Variants in MEF2A observed in about 807,000 individuals in gnomAD.
MEF2A encodes the protein myocyte enhancer factor 2A.
MEF2A carries 28 observed loss-of-function variants against 55.8 expected under a neutral mutation model. The ratio of observed to expected loss-of-function variants is 0.50; its 90% CI spans 0.37 to 0.69. The LOEUF is 0.69. Ranked by LOEUF, MEF2A falls within the 30% of genes least tolerant of loss-of-function variation. MEF2A has a pLI of 0.00. For synonymous variants in MEF2A, 239 were observed against 227.1 expected, an observed-to-expected ratio of 1.05 and a Z score of -0.47; for missense variants, 528 against 626.2, an observed-to-expected ratio of 0.84 and a Z score of 1.67.
intron 4 of MEF2A, 128 bp downstream of exon 4, chr15:99,645,892 C>A (rs2153480570): frequency 1.5e-6 from 1 of 648,904 alleles, no homozygotes; most frequent in South Asian, 2.6e-5. Flanking sequence ...TTCTCTAAAT[C>A]ATTTCTTAGA....
intron 2 of MEF2A, among the ~76,000 whole-genome samples, chr15:99,629,571 C>G (rs1030536489): frequency 6.6e-6 from 1 of 152,046 alleles, no homozygotes; most frequent in Non-Finnish European, 1.5e-5. Context: ...AGTCCTCTTT[C>G]CAAATAAGGA....
At chr15:99,687,567 G>T (rs898788045) in intron 7 of MEF2A, among the ~76,000 whole-genome samples, 2 of 152,088 alleles carry the variant, frequency 1.3e-5, no homozygotes, top group African/African-American at 4.8e-5. Context: ...GTGCTTTAAC[G>T]TGTTTTTCTC....
intron 3 of MEF2A, among the ~76,000 whole-genome samples, chr15:99,635,977 C>T (rs574091870): frequency 3.3e-5 from 5 of 152,208 alleles, no homozygotes; most frequent in African/African-American, 7.2e-5. Flanking sequence ...TAGTAGTTGA[C>T]GGAAGTTTTC....
At chr15:99,607,409 A>G (rs1052122538) in intron 2 of MEF2A, among the ~76,000 whole-genome samples, 1 of 152,214 alleles carries the variant, frequency 6.6e-6, no homozygotes, top group African/African-American at 2.4e-5. Flanking sequence ...GACTGAATAA[A>G]TATTGATAAG....
rs998936456 is a variant in MEF2A at position 99,595,472 on chromosome 15, A to G, written c.-224-2958A>G. On this transcript the variant is annotated intron_variant, in intron 1 of 11. Transcript: ENST00000557942. ...GTCTCCCCACTAGAATGTAAGCTCT[A>G]TGAAGTCAGGAATAGGGATAGGGAT... Among the ~76,000 whole-genome samples the G allele has an allele frequency of 4.6e-5, 7 of 152,130 alleles. No homozygotes were observed. The South Asian group carries it at 6.2e-4, about 13-fold the overall frequency.
intron 10 of MEF2A, among the ~76,000 whole-genome samples, 186 bp from the exon 11 acceptor site, chr15:99,710,448 G>T (rs892999608): frequency 6.6e-6 from 1 of 152,188 alleles, no homozygotes; most frequent in Non-Finnish European, 1.5e-5. Flanking sequence ...TCACCATGTT[G>T]TCCAGGCTGG....
At chr15:99,653,558 T>C (rs996122226) in intron 4 of MEF2A, among the ~76,000 whole-genome samples, 33 of 152,338 alleles carry the variant, frequency 2.2e-4, no homozygotes, top group African/African-American at 7.7e-4. Context: ...ATTTCTAACG[T>C]GTTTCACTGA....
intron 4 of MEF2A, among the ~76,000 whole-genome samples, chr15:99,646,254 T>G (rs2045944390): frequency 6.6e-6 from 1 of 152,122 alleles, no homozygotes; most frequent in African/African-American, 2.4e-5. Context: ...GCTGCCTATT[T>G]GATAGCTCTC....
chr15:99,636,413 C>T (rs1427494206), intron 3 of MEF2A, among the ~76,000 whole-genome samples: 1 of 152,126 alleles, frequency 6.6e-6, no homozygotes, highest in East Asian at 1.9e-4. Context: ...GTGGTGCGAT[C>T]ATAGGTCACT....
chr15:99,712,372 C>CT lies in MEF2A; in HGVS notation c.1137-17dup. On this transcript the variant is annotated splice_polypyrimidine_tract_variant and intron_variant, in intron 11 of 11. Transcript: ENST00000557942. The surrounding 1 kb of genome is among the most constrained non-coding windows in gnomAD (Gnocchi z 4.1). ...GGTACTTGCAAGCCATCTGACCTCTCTCTTTTTTTTCCTTCAGTGCTGGAG... is the reference window on the plus strand; with the variant it reads ...GGTACTTGCAAGCCATCTGACCTCTCTTCTTTTTTTTCCTTCAGTGCTGGAG... The CT allele has an allele frequency of 2.6e-6, 4 of 1,510,482 alleles. No homozygotes were observed. The highest frequency in any genetic ancestry group is 3.6e-6 in the Non-Finnish European group (4 of 1,122,438). The allele number at this position is 1,510,482 out of a possible 1,614,324, so 93.6% of individuals were successfully genotyped here.
In MEF2A at chr15:99,710,652, C is replaced by T. The variant is rs1167637574; in HGVS notation, c.1028C>T (p.Ala343Val). 2 of 1,613,338 alleles carry T rather than the reference C, an allele frequency of 1.2e-6. No individual in the cohort carries two copies. Among genetic ancestry groups the T allele is most frequent in the Non-Finnish European group, 1.7e-6 (2 of 1,179,410 alleles). ...AYNTDYSLTS[A>V]DLSALQGFNS... ...TTTGTAGATTATTCACTGACCAGCGCTGACCTGTCAGCCCTTCAAGGCTTC... is the reference window on the plus strand; with the variant it reads ...TTTGTAGATTATTCACTGACCAGCGTTGACCTGTCAGCCCTTCAAGGCTTC... The change falls in exon 11 of 12, where the codon GCT becomes GTT. Residue 343 changes from alanine to valine, a missense_variant. Ala to Val is a moderately conservative substitution (Grantham distance 64). Coordinates refer to ENST00000557942, the MANE Select transcript of MEF2A (RefSeq NM_001319206.4).
intron 4 of MEF2A, among the ~76,000 whole-genome samples, chr15:99,653,756 CCTT>C (rs2047235952): frequency 6.6e-6 from 1 of 152,078 alleles, no homozygotes; most frequent in African/African-American, 2.4e-5. Context: ...CATGCTTAAG[CCTT>C]CTAGAATAAC....
intron 1 of MEF2A, among the ~76,000 whole-genome samples, chr15:99,567,273 T>A (rs902141449): frequency 1.3e-5 from 2 of 152,238 alleles, no homozygotes; most frequent in African/African-American, 4.8e-5. Context: ...GCATATGTAT[T>A]TTTAAACAAA....
intron 2 of MEF2A, among the ~76,000 whole-genome samples, chr15:99,631,144 G>A (rs531666949): frequency 2.0e-5 from 3 of 152,310 alleles, no homozygotes; most frequent in Admixed American, 6.5e-5. Flanking sequence ...AGCAAAAAAT[G>A]CCCAAATATG....
At chr15:99,592,112 A>C (rs894580908) in intron 1 of MEF2A, among the ~76,000 whole-genome samples, 1 of 151,612 alleles carries the variant, frequency 6.6e-6, no homozygotes, top group Non-Finnish European at 1.5e-5. Context: ...AATTTCTTGC[A>C]GACGTGTATG....
At chr15:99,600,223 TG>T (rs1189563766) in intron 2 of MEF2A, among the ~76,000 whole-genome samples, 1 of 152,186 alleles carries the variant, frequency 6.6e-6, no homozygotes, top group Non-Finnish European at 1.5e-5. Context: ...TTTTGAGTCA[TG>T]TTTAGATTTT....
chr15:99,703,928 T>C (rs1440701572), intron 9 of MEF2A, among the ~76,000 whole-genome samples: 1 of 152,246 alleles, frequency 6.6e-6, no homozygotes, highest in Non-Finnish European at 1.5e-5. Flanking sequence ...TTTACTTTTC[T>C]ATCAGAAGGC....
rs1356142229 is a variant in MEF2A at position 99,712,671 on chromosome 15, G to A, written c.1418G>A (p.Gly473Asp). The part of the protein sequence containing the change: ...YDGSDREDPR[G>D]DFHSPIVLGR... ...GGCAGTGATCGGGAGGATCCACGGG[G>A]CGACTTCCATTCTCCAATTGTGCTT... is the stretch of plus-strand genomic sequence containing the variant. Residue 473 changes from glycine to aspartate, a missense_variant, in exon 12 of 12, where the codon GGC becomes GAC. By Grantham distance (94) the Gly-to-Asp change is moderately conservative. Around this residue, in one of 2 missense-constraint regions of MEF2A, gnomAD observed 450 missense variants for 475.3 expected, o/e 0.95. Transcript: ENST00000557942. This position sits in a 1 kb window ranked among gnomAD's most constrained non-coding sequence, Gnocchi z 4.1. 2 of 1,557,918 alleles carry A rather than the reference G, an allele frequency of 1.3e-6. No homozygotes were observed. Among genetic ancestry groups the A allele is most frequent in the South Asian group, 2.4e-5 (2 of 84,304 alleles).
intron 2 of MEF2A, among the ~76,000 whole-genome samples, chr15:99,602,105 C>A (rs912259469): frequency 2.0e-5 from 3 of 151,938 alleles, no homozygotes; most frequent in Non-Finnish European, 2.9e-5. Flanking sequence ...GAAGGAGAGA[C>A]CGAGGCAAGT....
Sources: allele counts gnomAD v4.1 joint callset (sites outside exome capture counted in the v4.1 genomes callset), GRCh38; gene constraint gnomAD v4.1.1; regional missense constraint gnomAD v4.1.1; non-coding constraint Gnocchi (gnomAD v3.1); transcripts MANE v1.5; gene names NCBI Gene and HGNC (gene_info 2026-07-23, HGNC 2026-07-21).